The following PKP4 variants were observed in gnomAD, a reference collection of about 807,000 sequenced individuals.
PKP4 encodes the protein plakophilin 4.
A neutral mutation model predicts 145.1 loss-of-function variants in PKP4; 90 were observed. The observed-to-expected ratio is 0.62, with a 90% CI of 0.52 to 0.74. The LOEUF (loss-of-function observed/expected upper bound fraction) is 0.74, where lower values mean the gene tolerates loss of function less well. PKP4 is among the 30% of genes least tolerant of loss of function. The pLI is 0.00. For synonymous variants in PKP4, 563 were observed against 577.2 expected (o/e 0.98, Z 0.35); for missense variants, 1,340 against 1,482.7 (o/e 0.90, Z 1.58).
At chr2:158,575,929 G>C (rs1054632137) in intron 2 of PKP4, among the ~76,000 whole-genome samples, 2 of 152,100 alleles carry the variant, frequency 1.3e-5, no homozygotes, top group African/African-American at 2.4e-5. Flanking sequence ...TTTTGTTACT[G>C]AACATTTATT....
chr2:158,463,707 A>G (rs1690147591), intron 1 of PKP4, among the ~76,000 whole-genome samples: 1 of 152,274 alleles, frequency 6.6e-6, no homozygotes, highest in East Asian at 1.9e-4. Flanking sequence ...TTAGAACATC[A>G]AGCCATTACA....
At chr2:158,582,049 C>A (rs960171716) in intron 3 of PKP4, among the ~76,000 whole-genome samples, 1 of 152,116 alleles carries the variant, frequency 6.6e-6, no homozygotes, top group Admixed American at 6.5e-5. Flanking sequence ...CAGAAATAAT[C>A]GCTGCAACCT....
chr2:158,635,731 C>T (rs781709984), intron 9 of PKP4, among the ~76,000 whole-genome samples: 1 of 152,136 alleles, frequency 6.6e-6, no homozygotes, highest in Admixed American at 6.5e-5. Flanking sequence ...ATGCATAAAA[C>T]TGATGGCTGT....
intron 1 of PKP4, among the ~76,000 whole-genome samples, chr2:158,458,484 G>A (rs1290061508): frequency 2.0e-5 from 3 of 152,170 alleles, no homozygotes; most frequent in Non-Finnish European, 4.4e-5. Flanking sequence ...CATTGCACAG[G>A]GCTGTTGGCA....
At chr2:158,582,784 G>T (rs371246846) in intron 3 of PKP4, among the ~76,000 whole-genome samples, 2 of 152,156 alleles carry the variant, frequency 1.3e-5, no homozygotes, top group Non-Finnish European at 2.9e-5. Context: ...GGATGGAATA[G>T]CACCTTAACT....
At chr2:158,603,489 A>C (rs1014099509) in intron 4 of PKP4, among the ~76,000 whole-genome samples, 2 of 152,046 alleles carry the variant, frequency 1.3e-5, no homozygotes, top group African/African-American at 4.8e-5. Context: ...TGAAGTTTTC[A>C]TTTTTTTAAT....
intron 1 of PKP4, among the ~76,000 whole-genome samples, chr2:158,465,763 A>G (rs1690509631): frequency 6.6e-6 from 1 of 152,178 alleles, no homozygotes; most frequent in South Asian, 2.1e-4. Context: ...ACTTACTGTC[A>G]TTTTGTCGAC....
In PKP4 at chr2:158,621,104, C is replaced by G; in HGVS notation, c.395C>G (p.Ser132Cys). Residue 132 changes from serine to cysteine, a missense_variant, in exon 5 of 22, where the codon TCT becomes TGT. Ser to Cys is a moderately radical substitution (Grantham distance 112). Transcript: ENST00000389759. ...QGTLYSPEQT[S>C]LHESEGSLGN... ...ACCCTCTATTCACCAGAACAGACAT[C>G]TCTCCATGAAAGTGAGGGTCTGTTG... is the stretch of plus-strand genomic sequence containing the variant. 6.2e-7 allele frequency: 1 copy of G among 1,614,182 alleles called. No homozygotes were observed.
At chr2:158,523,122 G>A (rs978144378) in intron 1 of PKP4, among the ~76,000 whole-genome samples, 1 of 152,150 alleles carries the variant, frequency 6.6e-6, no homozygotes. Context: ...ACTGGGTGGA[G>A]CCCACCACAG....
chr2:158,670,692 T>A (rs1161144932), intron 17 of PKP4, among the ~76,000 whole-genome samples: 1 of 152,212 alleles, frequency 6.6e-6, no homozygotes, highest in Non-Finnish European at 1.5e-5. Context: ...AATTGAGTTT[T>A]CTGCCACATA....
Position 158,499,575 on chromosome 2 carries a change from G to A in PKP4, c.-5-33605G>A, listed in dbSNP as rs112781667. Among the ~76,000 whole-genome samples the A allele has an allele frequency of 3.5e-3, 528 of 152,264 alleles. 3 individuals are homozygous for A. The highest frequency in any genetic ancestry group is 6.8e-3 in the Middle Eastern group (2 of 294). ...ACTGATAATCCTGAAGGATAATTGG[G>A]CCTGTGTCCACTGGCCTGGAGGAAC... On this transcript the variant is annotated intron_variant, in intron 1 of 21. Coordinates refer to ENST00000389759, the MANE Select transcript of PKP4 (RefSeq NM_003628.6).
At chr2:158,527,226 C>G (rs2043038436) in intron 1 of PKP4, among the ~76,000 whole-genome samples, 1 of 138,840 alleles carries the variant, frequency 7.2e-6, no homozygotes, top group African/African-American at 2.7e-5. Context: ...CACTACCTGA[C>G]TTCAAACTAT....
At chr2:158,635,962 A>G (rs1223264654) in intron 9 of PKP4, among the ~76,000 whole-genome samples, 1 of 152,148 alleles carries the variant, frequency 6.6e-6, no homozygotes, top group East Asian at 1.9e-4. Flanking sequence ...AGCCTTTATT[A>G]TTAATGCTAC....
At chr2:158,678,194 C>T (rs2711038) in intron 20 of PKP4, among the ~76,000 whole-genome samples, 138,612 of 152,242 alleles carry the variant, frequency 0.91, 63,160 homozygotes, top group East Asian at 0.97. Flanking sequence ...GACCCACTGC[C>T]GTAGCTCAGA....
rs372676197 is a variant in PKP4 at position 158,459,673 on chromosome 2, G to A, written c.-6+2455G>A. 3.9e-4 allele frequency among the ~76,000 whole-genome samples: 60 copies of A among 152,252 alleles called. 1 individual carries two copies. Among genetic ancestry groups the A allele is most frequent in the South Asian group, 8.3e-4 (4 of 4,826 alleles). On this transcript the variant is annotated intron_variant, in intron 1 of 21. Coordinates refer to ENST00000389759, the MANE Select transcript of PKP4 (RefSeq NM_003628.6). ...TATGTAACAGTATCATATTACAGCA[G>A]TGTTTAACCCATGCTTAACCCGTGC...
At chr2:158,460,723 G>T (rs1294403635) in intron 1 of PKP4, among the ~76,000 whole-genome samples, 1 of 152,186 alleles carries the variant, frequency 6.6e-6, no homozygotes, top group African/African-American at 2.4e-5. Flanking sequence ...TTACTATAGG[G>T]TTATTTTAGG....
intron 4 of PKP4, among the ~76,000 whole-genome samples, chr2:158,609,468 T>C (rs1472883867): frequency 6.6e-6 from 1 of 152,232 alleles, no homozygotes; most frequent in Non-Finnish European, 1.5e-5. Context: ...TCCTCATTTA[T>C]CCTCATTTAT....
chr2:158,673,606 A>G (rs537717561), intron 17 of PKP4, 71 bp from the exon 18 acceptor site: 1 of 1,149,000 alleles, frequency 8.7e-7, no homozygotes, highest in South Asian at 1.2e-5. Flanking sequence ...ACTGATTTTC[A>G]TCCTGCACCC....
At chr2:158,496,329 A>G (rs1411326067) in intron 1 of PKP4, among the ~76,000 whole-genome samples, 1 of 152,190 alleles carries the variant, frequency 6.6e-6, no homozygotes, top group African/African-American at 2.4e-5. Flanking sequence ...TAGTTTACCT[A>G]ATAAATGCCA....
Sources: allele counts gnomAD v4.1 joint callset (sites outside exome capture counted in the v4.1 genomes callset), GRCh38; gene constraint gnomAD v4.1.1; transcripts MANE v1.5; gene names NCBI Gene and HGNC (gene_info 2026-07-23, HGNC 2026-07-21).